Variants in MKLN1 observed in about 807,000 individuals in gnomAD.
MKLN1 encodes the protein muskelin.
In MKLN1, 18 loss-of-function variants were observed where a neutral mutation model predicts 99.0. The observed-to-expected ratio is 0.18, with a 90% CI of 0.13 to 0.27. MKLN1 has a LOEUF of 0.27. MKLN1 is among the 10% of genes least tolerant of loss of function. MKLN1 has a pLI of 1.00. For missense variants in MKLN1, 621 were observed against 875.9 expected, an observed-to-expected ratio of 0.71 and a Z score of 3.67; for synonymous variants, 288 against 293.2, an observed-to-expected ratio of 0.98 and a Z score of 0.18.
rs1356456014 is a variant in MKLN1, at chr7:131,128,262, G to A, written c.-418-14558G>A. Among the ~76,000 whole-genome samples, 3 of 151,242 alleles carry A rather than the reference G, an allele frequency of 2.0e-5. No homozygotes were observed. The East Asian group carries it at 5.8e-4, about 29-fold the overall frequency. Reference sequence around the variant, plus strand: ...GGAAAAACATGTGGCCAGGAAGAATGGAATGCATTTCAGATGGATTAAAGA... The same window carrying A: ...GGAAAAACATGTGGCCAGGAAGAATAGAATGCATTTCAGATGGATTAAAGA... On this transcript the variant is annotated intron_variant, in intron 1 of 7. Coordinates refer to the MKLN1 transcript ENST00000416992.
At chr7:131,247,235 C>CTTTTTTTTTTTTTTTTTTT (rs72068521) in intron 3 of MKLN1, among the ~76,000 whole-genome samples, 46 of 141,130 alleles carry the variant, frequency 3.3e-4, no homozygotes, top group East Asian at 6.4e-4. Flanking sequence ...TTTCTTTTTT[C>CTTTTTTTTTTTTTTTTTTT]TTTTTTTTTT....
chr7:131,189,546 A>C (rs199813666), intron 2 of MKLN1, among the ~76,000 whole-genome samples: 17 of 65,464 alleles, frequency 2.6e-4, no homozygotes, highest in East Asian at 9.5e-4. Flanking sequence ...AAAAAAAAAA[A>C]CACAAAACTC....
In MKLN1 at chr7:131,320,659, A is replaced by G. The variant is rs1798757967; in HGVS notation, c.-178-54765A>G. Among the ~76,000 whole-genome samples, 5 of 152,332 alleles carry G rather than the reference A, an allele frequency of 3.3e-5. No homozygotes were observed. In the South Asian group the frequency reaches 1.0e-3, roughly 32 times the overall value. ...GAAAAGGCAACCTACAGAATGAGAG[A>G]AAAATTTTGCAATCTACCCATGTGT... On this transcript the variant is annotated intron_variant, in intron 3 of 7. Coordinates refer to the MKLN1 transcript ENST00000416992.
chr7:131,405,020 A>G (rs1794658627), intron 6 of MKLN1, among the ~76,000 whole-genome samples: 1 of 152,136 alleles, frequency 6.6e-6, no homozygotes, highest in Non-Finnish European at 1.5e-5. Context: ...TATCAGTTTA[A>G]TTTCTTTAAA....
intron 1 of MKLN1, among the ~76,000 whole-genome samples, chr7:131,117,418 A>G: frequency 6.7e-6 from 1 of 148,494 alleles, no homozygotes; most frequent in East Asian, 2.0e-4. Context: ...CGACAGACCG[A>G]GACTCCATCT....
intron 16 of MKLN1, among the ~76,000 whole-genome samples, chr7:131,477,712 C>G (rs1797006544): frequency 2.0e-5 from 3 of 152,130 alleles, no homozygotes. Flanking sequence ...TTAATCAGGG[C>G]TTACAAATGT....
intron 1 of MKLN1, 28 bp downstream of exon 1, chr7:131,328,025 G>T (rs201734407): frequency 6.2e-7 from 1 of 1,611,542 alleles, no homozygotes; most frequent in Non-Finnish European, 8.5e-7. Flanking sequence ...AGCTCGTGCT[G>T]CCCCACCCTT....
At chr7:131,334,091 T>TAAG (rs1251173186) in intron 1 of MKLN1, among the ~76,000 whole-genome samples, 1 of 152,244 alleles carries the variant, frequency 6.6e-6, no homozygotes, top group Non-Finnish European at 1.5e-5. Context: ...CTTTAGCTTT[T>TAAG]AAGTGAATTT....
At chr7:131,132,591 C>T (rs1179409437) in intron 1 of MKLN1, among the ~76,000 whole-genome samples, 1 of 152,052 alleles carries the variant, frequency 6.6e-6, no homozygotes, top group African/African-American at 2.4e-5. Flanking sequence ...CTCCAGAGGA[C>T]AAAGCTATGT....
intron 3 of MKLN1, among the ~76,000 whole-genome samples, chr7:131,217,924 A>G (rs7780595): frequency 0.014 from 2,160 of 152,320 alleles, 50 homozygotes; most frequent in African/African-American, 0.05. Flanking sequence ...CAGCAAAGAA[A>G]GAGTTTAATA....
intron 15 of MKLN1, among the ~76,000 whole-genome samples, chr7:131,468,403 A>T (rs12539640): frequency 0.55 from 83,710 of 152,034 alleles, 23,543 homozygotes; most frequent in East Asian, 0.68. Context: ...TCAAATGTTA[A>T]GCAGATTTAT....
chr7:131,196,423 A>G (rs780603247), intron 2 of MKLN1, among the ~76,000 whole-genome samples: 5 of 152,262 alleles, frequency 3.3e-5, no homozygotes, highest in African/African-American at 4.8e-5. Flanking sequence ...TCACTCGCAA[A>G]GGAAAAAAGG....
At chr7:131,364,257 AT>A (rs983500625) in intron 1 of MKLN1, among the ~76,000 whole-genome samples, 2 of 152,102 alleles carry the variant, frequency 1.3e-5, no homozygotes, top group African/African-American at 4.8e-5. Context: ...ATGTTCTTAG[AT>A]TTTAAATCAG....
At chr7:131,328,455 T>C (rs1209582126) in intron 1 of MKLN1, among the ~76,000 whole-genome samples, 1 of 151,792 alleles carries the variant, frequency 6.6e-6, no homozygotes, top group Non-Finnish European at 1.5e-5. Flanking sequence ...AGCCGAGGAG[T>C]GTCTATTCCA....
chr7:131,205,584 G>A (rs1427060197), intron 3 of MKLN1, among the ~76,000 whole-genome samples: 2 of 152,036 alleles, frequency 1.3e-5, no homozygotes, highest in South Asian at 2.1e-4. Context: ...TCTCTGCTTA[G>A]GGTCCCAATG....
At position 131,447,791 on chromosome 7, in the gene MKLN1, A is replaced by T. The variant is rs748164687; in HGVS notation, c.1525+1888A>T. 6.6e-5 allele frequency among the ~76,000 whole-genome samples: 10 copies of T among 152,318 alleles called. No homozygotes were observed. In the East Asian group the frequency reaches 1.5e-3, roughly 23 times the overall value. ...ACTCTTTATTTAGACCCTACCATAT[A>T]CCAGAATATCTTTAATTGGTGGTAT... is the stretch of plus-strand genomic sequence containing the variant. On this transcript the variant is annotated intron_variant, in intron 12 of 17. Transcript: ENST00000352689.
At chr7:131,222,351 G>A (rs1441324693) in intron 3 of MKLN1, among the ~76,000 whole-genome samples, 6 of 152,144 alleles carry the variant, frequency 3.9e-5, no homozygotes, top group African/African-American at 1.4e-4. Flanking sequence ...GTTTATAGAT[G>A]GCACCTTCCT....
At position 131,489,003 on chromosome 7, in the gene MKLN1, ATGT is replaced by A. The variant is rs1797358598; in HGVS notation, c.*1279_*1281del. ...TAGTGCTTACATTTGCTCAAAAAGCATGTTGTATGAAGCTGACTGCCACCATGC... is the reference window on the plus strand; with the variant it reads ...TAGTGCTTACATTTGCTCAAAAAGCATGTATGAAGCTGACTGCCACCATGC... On this transcript the variant is annotated 3_prime_UTR_variant, in exon 18 of 18. Coordinates refer to ENST00000352689, the MANE Select transcript of MKLN1 (RefSeq NM_013255.5). 4 of 152,330 alleles carry A rather than the reference ATGT, an allele frequency of 2.6e-5. No individual in the cohort carries two copies. In the South Asian group the frequency reaches 8.3e-4, roughly 32 times the overall value. The allele number at this position is 152,330 out of a possible 1,614,324, so 9.4% of individuals were successfully genotyped here.
rs145896884 is a variant in MKLN1, at chr7:131,406,122, T to A, written c.704-5184T>A. On this transcript the variant is annotated intron_variant, in intron 6 of 17. Transcript: ENST00000352689. ...AAAACAAATTTTAAATTATTTTGAA[T>A]TAAATCTTTTATTATGAAGTGCCTT... 1.5e-3 allele frequency among the ~76,000 whole-genome samples: 229 copies of A among 152,154 alleles called. 4 individuals are homozygous for A. The highest frequency in any genetic ancestry group is 5.2e-3 in the African/African-American group (215 of 41,572).
Sources: allele counts gnomAD v4.1 joint callset (sites outside exome capture counted in the v4.1 genomes callset), GRCh38; gene constraint gnomAD v4.1.1; transcripts MANE v1.5; gene names NCBI Gene and HGNC (gene_info 2026-07-23, HGNC 2026-07-21).